The following XKR4 variants were observed in gnomAD, a reference collection of about 807,000 sequenced individuals.
XKR4 encodes the protein XK-related protein 4.
XKR4 carries 12 observed loss-of-function variants against 53.9 expected under a neutral mutation model. The ratio of observed to expected loss-of-function variants is 0.22; its 90% confidence interval spans 0.14 to 0.36. XKR4 has a LOEUF of 0.36. Among genes scored for constraint, XKR4 ranks in the 10% least tolerant of loss-of-function variants. The pLI, the probability that XKR4 is intolerant of heterozygous loss-of-function variation, is 1.00. For missense variants in XKR4, 799 were observed against 859.5 expected (o/e 0.93, Z 0.88); for synonymous variants, 354 against 362.4 (o/e 0.98, Z 0.26).
At chr8:55,379,707 C>T (rs1265550107) in intron 2 of XKR4, among the ~76,000 whole-genome samples, 4 of 152,176 alleles carry the variant, frequency 2.6e-5, no homozygotes, top group African/African-American at 7.2e-5. Flanking sequence ...GGCTGGGGTC[C>T]AGCGGAATCA....
intron 2 of XKR4, among the ~76,000 whole-genome samples, chr8:55,501,077 A>G (rs1806429245): frequency 6.6e-6 from 1 of 152,222 alleles, no homozygotes; most frequent in Non-Finnish European, 1.5e-5. Context: ...GTAATACTGT[A>G]GAGAATGCCG....
At position 55,454,464 on chromosome 8, in the gene XKR4, C is replaced by T. The variant is rs534040330; in HGVS notation, c.1007-68817C>T. On this transcript the variant is annotated intron_variant, in intron 2 of 2. Transcript: ENST00000327381. ...TAGCTCCGGGACAGGAAGAGAACCT[C>T]GTGCTCCATGAGGGTGGCACAGACC... 4.1e-5 allele frequency: 49 copies of T among 1,181,804 alleles called. 1 individual carries two copies. The South Asian group carries it at 5.1e-4, about 12-fold the overall frequency. 73.2% of individuals were successfully genotyped at this position (1,181,804 alleles called of 1,614,324 possible).
chr8:55,190,750 C>A (rs1363695320), intron 1 of XKR4, among the ~76,000 whole-genome samples: 4 of 152,126 alleles, frequency 2.6e-5, no homozygotes, highest in Admixed American at 6.5e-5. Flanking sequence ...GCGTTCTGGA[C>A]CAGCAGCAAA....
rs376469962 is a variant in XKR4 at position 55,524,545 on chromosome 8, T to C, written c.*318T>C. 3 of 326,596 alleles carry C rather than the reference T, an allele frequency of 9.2e-6. No individual in the cohort carries two copies. The highest frequency in any genetic ancestry group is 1.2e-4 in the South Asian group (2 of 16,766). The allele number at this position is 326,596 out of a possible 1,614,324, so 20.2% of individuals were successfully genotyped here. ...TATTATGGAAAAATTTTGCCTCCAATCATTAGGGTGTCTTGATGGCGTTAA... is the reference window on the plus strand; with the variant it reads ...TATTATGGAAAAATTTTGCCTCCAACCATTAGGGTGTCTTGATGGCGTTAA... On this transcript the variant is annotated 3_prime_UTR_variant, in exon 3 of 3. Transcript: ENST00000327381.
Position 55,199,454 on chromosome 8 carries a change from C to T in XKR4, c.806+96160C>T, listed in dbSNP as rs747474681. ...TAACTTACATCATTTAGGTACTGTG[C>T]GCTTTCTAAAATAATTCTGCATATG... On this transcript the variant is annotated intron_variant, in intron 1 of 2. Transcript: ENST00000327381. Among the ~76,000 whole-genome samples, 9 of 152,138 alleles carry T rather than the reference C, an allele frequency of 5.9e-5. No individual in the cohort carries two copies. In the East Asian group the frequency reaches 1.3e-3, roughly 23 times the overall value.
At chr8:55,160,997 G>A (rs1816976350) in intron 1 of XKR4, among the ~76,000 whole-genome samples, 1 of 152,198 alleles carries the variant, frequency 6.6e-6, no homozygotes, top group Admixed American at 6.5e-5. Flanking sequence ...GGTGCTTTCT[G>A]GAGACATTGG....
At chr8:55,133,849 G>A (rs1165971042) in intron 1 of XKR4, among the ~76,000 whole-genome samples, 1 of 152,148 alleles carries the variant, frequency 6.6e-6, no homozygotes, top group East Asian at 1.9e-4. Context: ...TAATGGAGAT[G>A]AAAATTTATG....
At chr8:55,477,626 C>A (rs924150307) in intron 2 of XKR4, among the ~76,000 whole-genome samples, 1 of 152,004 alleles carries the variant, frequency 6.6e-6, no homozygotes, top group Non-Finnish European at 1.5e-5. Context: ...GGAGGAAATT[C>A]AAACCAATGG....
At chr8:55,133,621 G>C (rs1816586602) in intron 1 of XKR4, among the ~76,000 whole-genome samples, 1 of 152,208 alleles carries the variant, frequency 6.6e-6, no homozygotes, top group South Asian at 2.1e-4. Flanking sequence ...TAACACTCCA[G>C]AGCCTAGGGA....
rs747397907 is a variant in XKR4 at position 55,523,660 on chromosome 8, T to C, written c.1386T>C (p.Phe462=). The change falls in exon 3 of 3, where the codon TTT becomes TTC. Residue 462 remains phenylalanine, a synonymous_variant. Transcript: ENST00000327381. ...GCTGCAGGCTATTCATTTACTATTT[T>C]GTGATCCTTTTGGAAAATACAGCCT... ...RTRCRLFIYY[F]VILLENTALS... 1.2e-6 allele frequency: 2 copies of C among 1,614,254 alleles called. No homozygotes were observed. Among genetic ancestry groups the C allele is most frequent in the South Asian group, 1.1e-5 (1 of 91,086 alleles).
chr8:55,172,841 G>A (rs1271460047), intron 1 of XKR4, among the ~76,000 whole-genome samples: 1 of 152,152 alleles, frequency 6.6e-6, no homozygotes, highest in Non-Finnish European at 1.5e-5. Flanking sequence ...AATGCTCAAG[G>A]TTTCATTTAT....
chr8:55,242,353 C>A (rs1818221874), intron 1 of XKR4, among the ~76,000 whole-genome samples: 1 of 152,148 alleles, frequency 6.6e-6, no homozygotes, highest in African/African-American at 2.4e-5. Context: ...CTACAGCAGC[C>A]TTATCTCAGC....
chr8:55,380,541 T>C (rs972471495), intron 2 of XKR4, among the ~76,000 whole-genome samples: 26 of 152,274 alleles, frequency 1.7e-4, no homozygotes, highest in African/African-American at 6.3e-4. Flanking sequence ...ATTCAGTCTG[T>C]TTGAGCTTTC....
At chr8:55,343,877 A>G (rs1303034777) in intron 1 of XKR4, among the ~76,000 whole-genome samples, 1 of 152,234 alleles carries the variant, frequency 6.6e-6, no homozygotes, top group African/African-American at 2.4e-5. Flanking sequence ...TAATGAGACA[A>G]TAATGTGCAC....
In XKR4 at chr8:55,462,920, A is replaced by G. The variant is rs572934195; in HGVS notation, c.1007-60361A>G. Among the ~76,000 whole-genome samples the G allele has an allele frequency of 7.9e-4, 121 of 152,204 alleles. 1 individual carries two copies. The highest frequency in any genetic ancestry group is 2.9e-3 in the African/African-American group (119 of 41,552). Reference sequence around the variant, plus strand: ...TAAAGGGATCAATTCAAAAAGAAGAACTAACTATCCTAAATATATATGCAC... The same window carrying G: ...TAAAGGGATCAATTCAAAAAGAAGAGCTAACTATCCTAAATATATATGCAC... On this transcript the variant is annotated intron_variant, in intron 2 of 2. Coordinates refer to ENST00000327381, the MANE Select transcript of XKR4 (RefSeq NM_052898.2).
chr8:55,495,355 C>A (rs1385947286), intron 2 of XKR4, among the ~76,000 whole-genome samples: 1 of 152,128 alleles, frequency 6.6e-6, no homozygotes, highest in African/African-American at 2.4e-5. Flanking sequence ...CAGCTGCACC[C>A]AAGGAGCTCC....
intron 1 of XKR4, among the ~76,000 whole-genome samples, chr8:55,327,257 G>T (rs1803307797): frequency 6.6e-6 from 1 of 151,792 alleles, no homozygotes; most frequent in Non-Finnish European, 1.5e-5. Context: ...TAAAGTCAGG[G>T]CACTTTTATT....
At chr8:55,394,205 G>T (rs1804484366) in intron 2 of XKR4, among the ~76,000 whole-genome samples, 1 of 152,110 alleles carries the variant, frequency 6.6e-6, no homozygotes, top group Non-Finnish European at 1.5e-5. Context: ...CCTTCATTCA[G>T]TCTCTCTTGG....
intron 1 of XKR4, among the ~76,000 whole-genome samples, chr8:55,176,391 G>A (rs977716596): frequency 1.3e-5 from 2 of 152,204 alleles, no homozygotes; most frequent in African/African-American, 2.4e-5. Flanking sequence ...CATGTTGAAA[G>A]GTAGAGTGCT....
Sources: allele counts gnomAD v4.1 joint callset (sites outside exome capture counted in the v4.1 genomes callset), GRCh38; gene constraint gnomAD v4.1.1; transcripts MANE v1.5; gene names NCBI Gene and HGNC (gene_info 2026-07-23, HGNC 2026-07-21).